Variants in SLC12A2 observed in about 807,000 individuals in gnomAD.
SLC12A2 encodes the protein solute carrier family 12 member 2.
SLC12A2 carries 67 observed loss-of-function variants against 136.3 expected under a neutral mutation model. The observed-to-expected ratio is 0.49, with a 90% confidence interval of 0.40 to 0.60. The LOEUF is 0.60. SLC12A2 is among the 20% of genes least tolerant of loss of function. The pLI, the probability that SLC12A2 is intolerant of heterozygous loss-of-function variation, is 0.00. For missense variants in SLC12A2, 1,322 were observed against 1,534.7 expected, an observed-to-expected ratio of 0.86 and a Z score of 2.32; for synonymous variants, 619 against 562.9, an observed-to-expected ratio of 1.10 and a Z score of -1.41.
chr5:128,177,207 A>T, intron 21 of SLC12A2, 55 bp downstream of exon 21: 1 of 1,248,192 alleles, frequency 8.0e-7, no homozygotes, highest in Non-Finnish European at 1.1e-6. Context: ...TAAACTCTTT[A>T]ACTCCAACCT....
chr5:128,133,065 C>T (rs1008715548), intron 5 of SLC12A2, among the ~76,000 whole-genome samples: 3 of 150,004 alleles, frequency 2.0e-5, no homozygotes, highest in Admixed American at 6.6e-5. Context: ...ACACTAGTAC[C>T]GTTTTTTTTC....
chr5:128,135,709 G>T lies in SLC12A2; in HGVS notation c.1309G>T (p.Val437Phe). ...ATGTTTAAAATTGCAGGCTCAGATT[G>T]TTCTTTTGGTGATCCTACTTCTTGC... ...GMEWEAKAQI[V>F]LLVILLLAIG... is the part of the protein sequence containing the mutation. Residue 437 changes from valine (V) to phenylalanine (F), a missense_variant, in exon 7 of 27, where the codon GTT (valine) becomes TTT (phenylalanine). By Grantham distance (50) the Val-to-Phe change is conservative (BLOSUM62 -1). Around this residue, in one of 8 missense-constraint regions of SLC12A2, gnomAD observed 110 missense variants for 114.5 expected, o/e 0.96. Transcript: ENST00000262461. 1.2e-6 allele frequency: 2 copies of T among 1,603,982 alleles called. No homozygotes were observed. Among genetic ancestry groups the T allele is most frequent in the Non-Finnish European group, 8.5e-7 (1 of 1,171,580 alleles).
Position 128,158,117 on chromosome 5 carries a change from G to A in SLC12A2, c.2428G>A (p.Asp810Asn). The A allele has an allele frequency of 3.1e-6, 5 of 1,613,260 alleles. No homozygotes were observed. The highest frequency in any genetic ancestry group is 3.4e-6 in the Non-Finnish European group (4 of 1,179,560). ...SRPALLHLVHDFTKNVGLMIC... is the reference protein window; with the variant it reads ...SRPALLHLVHNFTKNVGLMIC... ...TCCAGCTTTACTTCATCTTGTTCAT[G>A]ATTTCACAAAAAATGTTGGTTTGAT... Residue 810 changes from aspartate (D) to asparagine (N), a missense_variant, in exon 16 of 27, where the codon GAT becomes AAT. Transcript: ENST00000262461.
chr5:128,101,971 C>T (rs1260317064), intron 1 of SLC12A2, among the ~76,000 whole-genome samples: 1 of 152,054 alleles, frequency 6.6e-6, no homozygotes, highest in Non-Finnish European at 1.5e-5. Context: ...ATCTTAAACT[C>T]TGCCAATATC....
intron 16 of SLC12A2, among the ~76,000 whole-genome samples, chr5:128,161,398 G>A (rs1043929427): frequency 2.0e-5 from 3 of 152,052 alleles, no homozygotes; most frequent in African/African-American, 7.2e-5. Flanking sequence ...ACTTAGAATG[G>A]AAACTTTTAA....
chr5:128,168,038 T>C (rs1763255303), intron 18 of SLC12A2, 171 bp downstream of exon 18: 1 of 510,804 alleles, frequency 2.0e-6, no homozygotes, highest in Non-Finnish European at 3.4e-6. Flanking sequence ...ATTAACAATT[T>C]TTTATTGATC....
At chr5:128,137,128 A>G (rs1464600685) in intron 7 of SLC12A2, among the ~76,000 whole-genome samples, 1 of 152,152 alleles carries the variant, frequency 6.6e-6, no homozygotes, top group African/African-American at 2.4e-5. Context: ...CATTAATAGT[A>G]TATGTCATTT....
At position 128,147,652 on chromosome 5, in the gene SLC12A2, C is replaced by G. The variant is rs780991381; in HGVS notation, c.1804C>G (p.Leu602Val). Residue 602 changes from leucine (L) to valine (V), a missense_variant, in exon 11 of 27, where the codon CTA (leucine) becomes GTA (valine). Leu to Val is a conservative substitution (Grantham distance 32, BLOSUM62 1). Transcript: ENST00000262461. Reference protein sequence around the residue: ...VMSMVSGFTPLISAGIFSATL... With the variant: ...VMSMVSGFTPVISAGIFSATL... ...GAGTATGGTGTCAGGATTTACACCA[C>G]TAATTTCTGCAGGTATATTTTCAGC... The G allele has an allele frequency of 2.2e-5, 35 of 1,609,766 alleles. No individual in the cohort carries two copies. Among genetic ancestry groups the G allele is most frequent in the Non-Finnish European group, 3.0e-5 (35 of 1,176,904 alleles).
rs1759903328 is a variant in SLC12A2, at chr5:128,083,942, G to T, written c.-13G>T. 12 of 1,229,682 alleles carry T rather than the reference G, an allele frequency of 9.8e-6. No homozygotes were observed. In the South Asian group the frequency reaches 3.5e-4, roughly 36 times the overall value. 76.2% of individuals were successfully genotyped at this position (1,229,682 alleles called of 1,614,324 possible). A position where few individuals can be genotyped will look rare whatever the true frequency, so the allele number is the denominator to read the frequency against. ...CCGCCGGGCTCTGCAGTTCCGCCGG[G>T]GGTCGGGCAGCTATGGAGCCGCGGC... On this transcript the variant is annotated 5_prime_UTR_variant, in exon 1 of 27. Coordinates refer to ENST00000262461, the MANE Select transcript of SLC12A2 (RefSeq NM_001046.3).
At chr5:128,158,652 T>C (rs1160234468) in intron 16 of SLC12A2, among the ~76,000 whole-genome samples, 1 of 152,176 alleles carries the variant, frequency 6.6e-6, no homozygotes, top group East Asian at 1.9e-4. Flanking sequence ...TGAATAGTGC[T>C]TCAATGAACG....
At chr5:128,113,731 T>C (rs536466573) in intron 2 of SLC12A2, among the ~76,000 whole-genome samples, 3 of 152,140 alleles carry the variant, frequency 2.0e-5, no homozygotes, top group African/African-American at 7.2e-5. Flanking sequence ...GGGGAAACTT[T>C]TACAACTAAT....
chr5:128,178,797 C>T, intron 22 of SLC12A2, 108 bp downstream of exon 22: 1 of 769,218 alleles, frequency 1.3e-6, no homozygotes, highest in Non-Finnish European at 1.9e-6. Context: ...ATTTTGCCAG[C>T]ATTCCCAAAA....
At chr5:128,160,348 C>A (rs968494016) in intron 16 of SLC12A2, among the ~76,000 whole-genome samples, 28 of 152,030 alleles carry the variant, frequency 1.8e-4, no homozygotes, top group African/African-American at 6.5e-4. Context: ...TGTAACAAAC[C>A]TGCATATTCT....
intron 5 of SLC12A2, 141 bp downstream of exon 5, chr5:128,131,347 G>A (rs1469048286): frequency 2.3e-6 from 2 of 856,688 alleles, no homozygotes; most frequent in Non-Finnish European, 3.7e-6. Context: ...CAGGAGATAG[G>A]CAAAGAACAA....
At chr5:128,159,680 G>A (rs764180814) in intron 16 of SLC12A2, among the ~76,000 whole-genome samples, 6 of 152,012 alleles carry the variant, frequency 3.9e-5, no homozygotes, top group South Asian at 2.1e-4. Context: ...AAATCAAAAC[G>A]ACAATGAGAT....
chr5:128,089,053 A>G (rs1253583313), intron 1 of SLC12A2, among the ~76,000 whole-genome samples: 1 of 151,830 alleles, frequency 6.6e-6, no homozygotes, highest in African/African-American at 2.4e-5. Context: ...CTGTAATCCC[A>G]GCTATTTGGG....
In SLC12A2 at chr5:128,151,228, T is replaced by C. The variant is rs772591703; in HGVS notation, c.2108-13T>C. 1.3e-6 allele frequency: 2 copies of C among 1,595,346 alleles called. No homozygotes were observed. The highest frequency in any genetic ancestry group is 8.5e-7 in the Non-Finnish European group (1 of 1,171,748). On this transcript the variant is annotated splice_polypyrimidine_tract_variant and intron_variant, in intron 13 of 26. Coordinates refer to ENST00000262461, the MANE Select transcript of SLC12A2 (RefSeq NM_001046.3). Reference sequence around the variant, plus strand: ...AGGTATTTGTGTGACTTTTATTTATTTGTTATTGTTAGGATGGCGTCCTGC... The same window carrying C: ...AGGTATTTGTGTGACTTTTATTTATCTGTTATTGTTAGGATGGCGTCCTGC...
chr5:128,124,848 A>G (rs1051918008), intron 4 of SLC12A2, among the ~76,000 whole-genome samples: 1 of 152,142 alleles, frequency 6.6e-6, no homozygotes, highest in African/African-American at 2.4e-5. Context: ...TTGTTCCTCT[A>G]GCAACTAGCA....
At position 128,189,411 on chromosome 5, in the gene SLC12A2, C is replaced by G. The variant is rs557424421; in HGVS notation, c.*2780C>G. On this transcript the variant is annotated 3_prime_UTR_variant, in exon 27 of 27. Transcript: ENST00000262461. ...ACTGAAATCAAATATTTATTTGTTA[C>G]ATTATTCCATTTGTATTTTAGGTTT... The G allele has an allele frequency of 2.0e-5, 3 of 152,202 alleles. No individual in the cohort carries two copies. The highest frequency in any genetic ancestry group is 2.9e-5 in the Non-Finnish European group (2 of 67,996). 9.4% of individuals were successfully genotyped at this position (152,202 alleles called of 1,614,324 possible).
Sources: gnomAD v4.1 joint callset for allele counts (sites outside exome capture counted in the v4.1 genomes callset) on GRCh38, gnomAD v4.1.1 for gene constraint, gnomAD v4.1.1 regional missense constraint, MANE v1.5 for transcripts, NCBI Gene and HGNC (gene_info 2026-07-23, HGNC 2026-07-21) for gene names.